SPOCK3: variants seen among roughly 807,000 people sequenced by gnomAD.
The protein encoded by SPOCK3 is testican-3.
A neutral mutation model predicts 56.6 loss-of-function variants in SPOCK3; 30 were observed. That is an observed-to-expected ratio of 0.53 (90% confidence interval 0.40 to 0.72). The LOEUF (loss-of-function observed/expected upper bound fraction) is 0.72, where lower values mean the gene tolerates loss of function less well. SPOCK3 is among the 30% of genes least tolerant of loss of function. The pLI is 0.00. For synonymous variants in SPOCK3, 196 were observed against 183.3 expected (o/e 1.07, Z -0.56); for missense variants, 527 against 530.0 (o/e 0.99, Z 0.06).
rs374065369 is a variant in SPOCK3, at chr4:167,000,341, A to C, written c.350+8T>G. ...TCAATCAGTGGGATTAAATTTAACA[A>C]TGTTTACCTGTGTGTAAGCCTCCGG... On this transcript the variant is annotated splice_region_variant and intron_variant, in intron 4 of 10. Transcript: ENST00000357545. The C allele has an allele frequency of 7.0e-7, 1 of 1,422,806 alleles. No homozygotes were observed. The highest frequency in any genetic ancestry group is 1.4e-5 in the African/African-American group (1 of 69,242). The allele number at this position is 1,422,806 out of a possible 1,614,324, so 88.1% of individuals were successfully genotyped here.
At chr4:166,773,589 T>C (rs1297653177) in intron 7 of SPOCK3, among the ~76,000 whole-genome samples, 2 of 152,170 alleles carry the variant, frequency 1.3e-5, no homozygotes, top group Non-Finnish European at 2.9e-5. Flanking sequence ...TATTCATTTT[T>C]TCAGTCTTCT....
intron 5 of SPOCK3, among the ~76,000 whole-genome samples, chr4:166,911,933 A>G (rs942850749): frequency 1.3e-5 from 2 of 152,156 alleles, no homozygotes; most frequent in African/African-American, 2.4e-5. Flanking sequence ...AAATTTTTAA[A>G]TGTATGCAGT....
intron 6 of SPOCK3, among the ~76,000 whole-genome samples, chr4:166,845,159 A>G (rs1337273735): frequency 2.0e-5 from 3 of 152,232 alleles, no homozygotes; most frequent in African/African-American, 7.2e-5. Context: ...ATAATTTATG[A>G]ATCTTTGTGA....
intron 6 of SPOCK3, among the ~76,000 whole-genome samples, chr4:166,865,385 C>T (rs1313885943): frequency 6.6e-6 from 1 of 152,122 alleles, no homozygotes; most frequent in East Asian, 1.9e-4. Context: ...CAAAGATGCC[C>T]TCTCTCACCA....
At chr4:166,894,703 C>A (rs1304410437) in intron 5 of SPOCK3, among the ~76,000 whole-genome samples, 2 of 152,070 alleles carry the variant, frequency 1.3e-5, no homozygotes, top group African/African-American at 4.8e-5. Context: ...GATTAACTGA[C>A]CAAGGAGAAC....
chr4:166,884,370 A>C lies in SPOCK3; in HGVS notation c.589+4760T>G, dbSNP rs548166366. On this transcript the variant is annotated intron_variant, in intron 6 of 10. Transcript: ENST00000357545. Reference sequence around the variant, plus strand: ...CCATCTCAACAACAACAACAAAAAAAAAAATGAAAAAAAAAATGACCGATA... The same window carrying C: ...CCATCTCAACAACAACAACAAAAAACAAAATGAAAAAAAAAATGACCGATA... Among the ~76,000 whole-genome samples, 48 of 151,716 alleles carry C rather than the reference A, an allele frequency of 3.2e-4. 1 individual carries two copies. The highest frequency in any genetic ancestry group is 1.1e-3 in the African/African-American group (44 of 41,474).
rs555668357 is a variant in SPOCK3 at position 166,969,528 on chromosome 4, C to T, written c.350+30821G>A. Among the ~76,000 whole-genome samples, 17 of 96,638 alleles carry T rather than the reference C, an allele frequency of 1.8e-4. No individual in the cohort carries two copies. The East Asian group carries it at 3.9e-3, about 22-fold the overall frequency. The allele number at this position is 96,638 out of a possible 152,430, so 63.4% of individuals were successfully genotyped here. ...CTTTTAACACATTAAATGTGTTTAA[C>T]ACTTTTAACACATTAAATGTGTTTA... is the stretch of plus-strand genomic sequence containing the variant. On this transcript the variant is annotated intron_variant, in intron 4 of 10. Coordinates refer to ENST00000357545, the MANE Select transcript of SPOCK3 (RefSeq NM_001040159.2).
intron 7 of SPOCK3, among the ~76,000 whole-genome samples, chr4:166,755,355 C>T (rs989200066): frequency 2.6e-5 from 4 of 152,076 alleles, no homozygotes; most frequent in Non-Finnish European, 5.9e-5. Context: ...AGATGGTGCA[C>T]TGGATAGAGC....
chr4:167,146,258 T>C (rs1400713616), intron 2 of SPOCK3, among the ~76,000 whole-genome samples: 6 of 152,006 alleles, frequency 3.9e-5, no homozygotes, highest in Admixed American at 3.9e-4. Flanking sequence ...CAAGAAGAGG[T>C]AATTTTTGTA....
chr4:166,828,880 T>C (rs1316905503), intron 6 of SPOCK3, among the ~76,000 whole-genome samples: 1 of 152,012 alleles, frequency 6.6e-6, no homozygotes, highest in Non-Finnish European at 1.5e-5. Context: ...CCAAGAGAAA[T>C]GTATCTTGCT....
At chr4:166,868,327 G>A (rs1344509780) in intron 6 of SPOCK3, among the ~76,000 whole-genome samples, 2 of 152,002 alleles carry the variant, frequency 1.3e-5, no homozygotes, top group Non-Finnish European at 1.5e-5. Flanking sequence ...AGGCATGGGG[G>A]CACAGGCCTG....
At chr4:166,990,065 A>T (rs1747606467) in intron 4 of SPOCK3, among the ~76,000 whole-genome samples, 1 of 152,166 alleles carries the variant, frequency 6.6e-6, no homozygotes, top group Non-Finnish European at 1.5e-5. Context: ...TAATCCCATG[A>T]TCTCAGAAAG....
chr4:166,903,197 G>A (rs1402215919), intron 5 of SPOCK3, among the ~76,000 whole-genome samples: 1 of 149,038 alleles, frequency 6.7e-6, no homozygotes, highest in Non-Finnish European at 1.5e-5. Flanking sequence ...TAAATAAATT[G>A]TGAATTTGAG....
chr4:166,769,207 C>T (rs1738575855), intron 7 of SPOCK3, among the ~76,000 whole-genome samples: 1 of 152,160 alleles, frequency 6.6e-6, no homozygotes, highest in South Asian at 2.1e-4. Flanking sequence ...ATTCGCTGTC[C>T]AGCTGTCTTC....
chr4:167,224,669 G>A (rs528712695), intron 2 of SPOCK3, among the ~76,000 whole-genome samples: 4 of 151,084 alleles, frequency 2.6e-5, no homozygotes, highest in Non-Finnish European at 5.9e-5. Context: ...AAACTTTGTT[G>A]TTTTTTTTTA....
intron 6 of SPOCK3, among the ~76,000 whole-genome samples, chr4:166,845,595 T>A (rs577321453): frequency 6.6e-6 from 1 of 152,262 alleles, no homozygotes; most frequent in Admixed American, 6.5e-5. Context: ...CAAACCAACT[T>A]TACCAGAGGG....
chr4:166,929,081 G>A (rs1739439295), intron 4 of SPOCK3, among the ~76,000 whole-genome samples: 2 of 152,112 alleles, frequency 1.3e-5, no homozygotes, highest in South Asian at 2.1e-4. Flanking sequence ...TGTTGATAAT[G>A]GGGAGGGTTC....
intron 2 of SPOCK3, among the ~76,000 whole-genome samples, chr4:167,108,979 T>A (rs1243185864): frequency 2.7e-5 from 1 of 37,260 alleles, no homozygotes; most frequent in East Asian, 1.1e-3. Flanking sequence ...ATATAAATAT[T>A]ATAAATATAT....
At chr4:166,823,726 G>A (rs932977608) in intron 6 of SPOCK3, among the ~76,000 whole-genome samples, 2 of 151,958 alleles carry the variant, frequency 1.3e-5, no homozygotes, top group African/African-American at 2.4e-5. Context: ...ACTCAATGGT[G>A]TTATGAGATA....
Sources: allele counts gnomAD v4.1 joint callset (sites outside exome capture counted in the v4.1 genomes callset), GRCh38; gene constraint gnomAD v4.1.1; transcripts MANE v1.5; gene names NCBI Gene and HGNC (gene_info 2026-07-23, HGNC 2026-07-21).